Variants in ZFYVE16 observed in about 807,000 individuals in gnomAD.
ZFYVE16 encodes zinc finger FYVE domain-containing protein 16.
A neutral mutation model predicts 138.1 loss-of-function variants in ZFYVE16; 89 were observed. That is an observed-to-expected ratio of 0.64 (90% confidence interval 0.54 to 0.77). The LOEUF (loss-of-function observed/expected upper bound fraction) is 0.77, where lower values mean the gene tolerates loss of function less well. Ranked by LOEUF, ZFYVE16 falls within the 30% of genes least tolerant of loss-of-function variation. The pLI is 0.00. For synonymous variants in ZFYVE16, 596 were observed against 618.3 expected (o/e 0.96, Z 0.53); for missense variants, 1,793 against 1,786.7 (o/e 1.00, Z -0.06).
chr5:80,446,797 A>C (rs1751402227), intron 7 of ZFYVE16, among the ~76,000 whole-genome samples: 1 of 152,206 alleles, frequency 6.6e-6, no homozygotes, highest in Non-Finnish European at 1.5e-5. Flanking sequence ...TGTTAAACAG[A>C]AGATATATAA....
intron 2 of ZFYVE16, among the ~76,000 whole-genome samples, chr5:80,433,370 A>G (rs1182895944): frequency 1.3e-5 from 2 of 152,200 alleles, no homozygotes; most frequent in Non-Finnish European, 1.5e-5. Context: ...TCTCACTCGT[A>G]GTTGGGAATT....
chr5:80,441,407 A>ATT (rs1750694798), intron 5 of ZFYVE16: 3 of 985,264 alleles, frequency 3.0e-6, no homozygotes, highest in Non-Finnish European at 1.2e-6. Context: ...ATCTGTTCAA[A>ATT]TTCTATTTTG....
intron 1 of ZFYVE16, among the ~76,000 whole-genome samples, chr5:80,416,093 C>T (rs893589392): frequency 2.0e-5 from 3 of 152,016 alleles, no homozygotes; most frequent in African/African-American, 4.8e-5. Flanking sequence ...AGTCACTGTG[C>T]GCTGCACACT....
intron 8 of ZFYVE16, among the ~76,000 whole-genome samples, chr5:80,449,074 T>C (rs1477210820): frequency 6.6e-6 from 1 of 152,110 alleles, no homozygotes; most frequent in Non-Finnish European, 1.5e-5. Flanking sequence ...GTGGCAAAAA[T>C]ATAGTAAGCC....
In ZFYVE16 at chr5:80,438,819, TC is replaced by T; in HGVS notation, c.2135del (p.Ser712LeufsTer8). On this transcript the variant is annotated frameshift_variant, in exon 4 of 19. Transcript: ENST00000505560. LOFTEE classifies it high-confidence loss of function. ...NSNYIDIESNSEGGSSFVTAN... is the reference protein window; with the variant it reads ...NSNYIDIESNXEGGSSFVTAN... ...TAATTACATTGATATAGAAAGTAAT[TC>T]TGAAGGTGGATCTAGTTTCGTAACT... is the stretch of plus-strand genomic sequence containing the variant. The T allele has an allele frequency of 6.2e-7, 1 of 1,614,086 alleles. No homozygotes were observed. The highest frequency in any genetic ancestry group is 8.5e-7 in the Non-Finnish European group (1 of 1,179,970).
Position 80,438,903 on chromosome 5 carries a change from A to T in ZFYVE16, c.2218A>T (p.Lys740Ter). ...TCKEGLVLGQ[K>*]QPTWVPDSEA... ...CAAAGAAGGCTTGGTTTTGGGCCAG[A>T]AACAGCCTACTTGGGTTCCTGATTC... Residue 740 changes from lysine (K) to a stop codon, truncating the protein, a stop_gained, in exon 4 of 19, where the codon AAA becomes TAA. Transcript: ENST00000505560. LOFTEE classifies it high-confidence loss of function. The T allele has an allele frequency of 6.2e-7, 1 of 1,614,114 alleles. No individual in the cohort carries two copies. Among genetic ancestry groups the T allele is most frequent in the Non-Finnish European group, 8.5e-7 (1 of 1,179,960 alleles).
rs759273333 is a variant in ZFYVE16 at position 80,447,978 on chromosome 5, C to G, written c.2725-48C>G. On this transcript the variant is annotated intron_variant, in intron 7 of 18. Transcript: ENST00000505560. Reference sequence around the variant, plus strand: ...ATAGTGATCTCATTTCATAGTTGAACAGAGAATATGAACTGATTTGTTATT... The same window carrying G: ...ATAGTGATCTCATTTCATAGTTGAAGAGAGAATATGAACTGATTTGTTATT... 14 of 1,441,404 alleles carry G rather than the reference C, an allele frequency of 9.7e-6. No individual in the cohort carries two copies. In the Admixed American group the frequency reaches 3.0e-4, roughly 31 times the overall value. The allele number at this position is 1,441,404 out of a possible 1,614,324, so 89.3% of individuals were successfully genotyped here.
rs1378206247 is a variant in ZFYVE16, at chr5:80,448,069, A to C, written c.2768A>C (p.Lys923Thr). ...CATTCCCATTCTACTACAGTGGAAA[A>C]GCCAAACAATGAGACAGGAGATATT... ...VDHSHSTTVE[K>T]PNNETGDITR... Residue 923 changes from lysine to threonine, a missense_variant, in exon 8 of 19, where the codon AAG becomes ACG. Coordinates refer to ENST00000505560, the MANE Select transcript of ZFYVE16 (RefSeq NM_001284236.3). The C allele has an allele frequency of 6.2e-7, 1 of 1,613,152 alleles. No individual in the cohort carries two copies.
In ZFYVE16 at chr5:80,473,712, A is replaced by G. The variant is rs1386420384; in HGVS notation, c.4188-42A>G. 3.6e-6 allele frequency: 5 copies of G among 1,401,056 alleles called. No individual in the cohort carries two copies. In the African/African-American group the frequency reaches 7.2e-5, roughly 20 times the overall value. The allele number at this position is 1,401,056 out of a possible 1,614,324, so 86.8% of individuals were successfully genotyped here. A position where few individuals can be genotyped will look rare whatever the true frequency, so the allele number is the denominator to read the frequency against. On this transcript the variant is annotated intron_variant, in intron 16 of 18. Coordinates refer to ENST00000505560, the MANE Select transcript of ZFYVE16 (RefSeq NM_001284236.3). ...ATCTAATAATTCATTTCAAAAACAC[A>G]TTGGTGCTAATAATTCTATTGTATT...
At chr5:80,423,783 C>T (rs1032811515) in intron 1 of ZFYVE16, among the ~76,000 whole-genome samples, 4 of 151,798 alleles carry the variant, frequency 2.6e-5, no homozygotes, top group South Asian at 4.2e-4. Flanking sequence ...TGTGATCCGC[C>T]CACCTCGTCC....
intron 1 of ZFYVE16, among the ~76,000 whole-genome samples, chr5:80,411,020 G>A (rs1382703124): frequency 6.6e-6 from 1 of 151,380 alleles, no homozygotes; most frequent in South Asian, 2.1e-4. Flanking sequence ...AGGCTGGAGT[G>A]CAGTGGCACC....
At chr5:80,470,876 C>G (rs1754297941) in intron 15 of ZFYVE16, among the ~76,000 whole-genome samples, 1 of 152,072 alleles carries the variant, frequency 6.6e-6, no homozygotes, top group Non-Finnish European at 1.5e-5. Flanking sequence ...GAAACTATTG[C>G]TACAGAATAA....
Position 80,440,696 on chromosome 5 carries a change from GTGTGT to G in ZFYVE16, c.2419+665_2419+669del, listed in dbSNP as rs1348559116. The G allele has an allele frequency of 4.1e-6, 4 of 980,234 alleles. No individual in the cohort carries two copies. In the African/African-American group the frequency reaches 7.3e-5, roughly 18 times the overall value. The allele number at this position is 980,234 out of a possible 1,614,324, so 60.7% of individuals were successfully genotyped here. On this transcript the variant is annotated intron_variant, in intron 5 of 18. Transcript: ENST00000505560. The stretch of plus-strand genomic sequence containing the variant: ...TGTGTGTGTGTGTGTGTGTGTGTGT[GTGTGT>G]GTGGTGTTTTTTTCCCCAAGTCCAT...
rs1206826444 is a variant in ZFYVE16 at position 80,437,263 on chromosome 5, G to A, written c.578G>A (p.Ser193Asn). ...GTCAGAGAACAACAGAATGATATCAGTTCTGAATTACAAAATAGAGAAATC... is the reference window on the plus strand; with the variant it reads ...GTCAGAGAACAACAGAATGATATCAATTCTGAATTACAAAATAGAGAAATC... ...DTVREQQNDISSELQNREIGG... is the reference protein window; with the variant it reads ...DTVREQQNDINSELQNREIGG... The change falls in exon 4 of 19, where the codon AGT (serine) becomes AAT (asparagine). Residue 193 changes from serine to asparagine, a missense_variant. Around this residue, in one of 2 missense-constraint regions of ZFYVE16, gnomAD observed 1,295 missense variants for 1,204.3 expected, o/e 1.08. Coordinates refer to ENST00000505560, the MANE Select transcript of ZFYVE16 (RefSeq NM_001284236.3). 1.2e-6 allele frequency: 2 copies of A among 1,612,204 alleles called. No homozygotes were observed. The highest frequency in any genetic ancestry group is 1.7e-6 in the Non-Finnish European group (2 of 1,179,042).
At chr5:80,473,033 C>A in intron 16 of ZFYVE16, 110 bp downstream of exon 16, 2 of 984,714 alleles carry the variant, frequency 2.0e-6, no homozygotes, top group Non-Finnish European at 1.4e-6. Context: ...CTTATACCAT[C>A]AATTTAAATG....
chr5:80,476,017 C>T (rs1754872520), intron 18 of ZFYVE16, among the ~76,000 whole-genome samples: 1 of 152,202 alleles, frequency 6.6e-6, no homozygotes, highest in South Asian at 2.1e-4. Flanking sequence ...GATTTTGGCT[C>T]ACTGCAGCCT....
intron 1 of ZFYVE16, among the ~76,000 whole-genome samples, chr5:80,424,855 G>A (rs1747764426): frequency 6.6e-6 from 1 of 152,150 alleles, no homozygotes; most frequent in African/African-American, 2.4e-5. Context: ...AACAAAAAAA[G>A]GTAACATGCT....
chr5:80,427,463 T>C (rs902635048), intron 1 of ZFYVE16, 29 bp from the exon 2 acceptor site: 7 of 152,140 alleles, frequency 4.6e-5, no homozygotes, highest in Non-Finnish European at 1.0e-4. Flanking sequence ...CTTTTGTCCT[T>C]TTGATATTAT....
intron 3 of ZFYVE16, 147 bp downstream of exon 3, chr5:80,434,364 A>T: frequency 1.4e-6 from 1 of 730,796 alleles, no homozygotes; most frequent in Non-Finnish European, 2.3e-6. Flanking sequence ...TCATAATAAG[A>T]TGTTAGTTGA....
Sources: allele counts gnomAD v4.1 joint callset (sites outside exome capture counted in the v4.1 genomes callset), GRCh38; gene constraint gnomAD v4.1.1; regional missense constraint gnomAD v4.1.1; transcripts MANE v1.5; gene names NCBI Gene and HGNC (gene_info 2026-07-23, HGNC 2026-07-21).